Variants in YEATS2 observed in about 807,000 individuals in gnomAD.
The protein encoded by YEATS2 is YEATS domain containing 2.
YEATS2 carries 77 observed loss-of-function variants against 163.2 expected under a neutral mutation model. The ratio of observed to expected loss-of-function variants is 0.47; its 90% CI spans 0.39 to 0.57. The LOEUF is 0.57. YEATS2 is among the 20% of genes least tolerant of loss of function. The pLI is 0.00. For synonymous variants in YEATS2, 631 were observed against 645.1 expected, an observed-to-expected ratio of 0.98 and a Z score of 0.33; for missense variants, 1,549 against 1,729.8, an observed-to-expected ratio of 0.90 and a Z score of 1.85.
intron 2 of YEATS2, among the ~76,000 whole-genome samples, chr3:183,716,053 C>CG (rs1250083532): frequency 1.3e-5 from 2 of 151,952 alleles, no homozygotes; most frequent in Non-Finnish European, 2.9e-5. Flanking sequence ...TCTGCTTCCC[C>CG]GGTTCGCGCC....
rs1182861324 is a variant in YEATS2, at chr3:183,752,247, G to GAGAA, written c.1147_1150dup (p.Gly384GlufsTer6). On this transcript the variant is annotated frameshift_variant, in exon 10 of 31. Coordinates refer to ENST00000305135, the MANE Select transcript of YEATS2 (RefSeq NM_018023.5). LOFTEE classifies it high-confidence loss of function. The stretch of plus-strand genomic sequence containing the variant: ...TGAGCCAGTACCCGATACCTCTGTG[G>GAGAA]AGAAAGGTAATACAGCAGTTTTCCT... The GAGAA allele has an allele frequency of 6.2e-7, 1 of 1,614,154 alleles. No individual in the cohort carries two copies. Among genetic ancestry groups the GAGAA allele is most frequent in the Non-Finnish European group, 8.5e-7 (1 of 1,180,016 alleles).
At chr3:183,699,357 GT>G (rs944445395) in intron 1 of YEATS2, among the ~76,000 whole-genome samples, 1 of 151,950 alleles carries the variant, frequency 6.6e-6, no homozygotes, top group African/African-American at 2.4e-5. Flanking sequence ...AAGTCGGTGT[GT>G]TGAGGCAGTT....
At chr3:183,706,196 A>G (rs1714598445) in intron 1 of YEATS2, among the ~76,000 whole-genome samples, 1 of 152,072 alleles carries the variant, frequency 6.6e-6, no homozygotes, top group South Asian at 2.1e-4. Context: ...TGATTAAGCT[A>G]ACCTAAGAAA....
intron 4 of YEATS2, among the ~76,000 whole-genome samples, chr3:183,720,373 C>A (rs764830743): frequency 2.0e-5 from 3 of 152,136 alleles, no homozygotes; most frequent in Non-Finnish European, 2.9e-5. Context: ...GCATAACTTT[C>A]GTTTTTTTCT....
chr3:183,795,532 C>T (rs1725066852), intron 21 of YEATS2, among the ~76,000 whole-genome samples: 1 of 146,368 alleles, frequency 6.8e-6, no homozygotes, highest in Admixed American at 7.1e-5. Flanking sequence ...AACTCCTGGC[C>T]TCAACCAGTC....
chr3:183,698,187 G>A (rs886959710), intron 1 of YEATS2, among the ~76,000 whole-genome samples, 194 bp downstream of exon 1: 16 of 152,188 alleles, frequency 1.1e-4, no homozygotes, highest in African/African-American at 3.6e-4. Flanking sequence ...GGGAGCCGCA[G>A]AAGCGGGAGC....
intron 8 of YEATS2, among the ~76,000 whole-genome samples, chr3:183,744,934 T>TCTAC (rs1249452152): frequency 3.9e-5 from 6 of 152,144 alleles, no homozygotes; most frequent in Non-Finnish European, 4.4e-5. Context: ...CACTGCAACC[T>TCTAC]CTACCTTCTG....
intron 9 of YEATS2, among the ~76,000 whole-genome samples, chr3:183,749,843 A>C (rs992587760): frequency 6.6e-6 from 1 of 151,926 alleles, no homozygotes; most frequent in Non-Finnish European, 1.5e-5. Context: ...TTTGAGATGG[A>C]GTCTCGCTCT....
chr3:183,789,449 A>AAAATTC (rs1724374017), intron 20 of YEATS2, among the ~76,000 whole-genome samples: 1 of 151,548 alleles, frequency 6.6e-6, no homozygotes, highest in Admixed American at 6.6e-5. Context: ...CCAAAGCCAC[A>AAAATTC]AAATTCAAGC....
chr3:183,735,231 C>T (rs763189316), intron 7 of YEATS2, among the ~76,000 whole-genome samples: 1 of 152,148 alleles, frequency 6.6e-6, no homozygotes, highest in Non-Finnish European at 1.5e-5. Context: ...TTTAGACTTA[C>T]CATTTAGCTT....
chr3:183,739,166 A>G (rs896385764), intron 8 of YEATS2, among the ~76,000 whole-genome samples: 6 of 152,170 alleles, frequency 3.9e-5, no homozygotes, highest in African/African-American at 7.2e-5. Context: ...GAGGAAGTCA[A>G]ATTGTCCCTG....
intron 2 of YEATS2, among the ~76,000 whole-genome samples, chr3:183,716,428 A>G (rs1217346871): frequency 6.6e-6 from 1 of 152,130 alleles, no homozygotes; most frequent in East Asian, 1.9e-4. Context: ...GAAAATTCCT[A>G]TTTCTGTAAG....
Position 183,722,278 on chromosome 3 carries a change from CTTTTTTTTTTTTTTTTT to C in YEATS2, c.537+154_537+170del, listed in dbSNP as rs200048624. On this transcript the variant is annotated intron_variant, in intron 5 of 30. Coordinates refer to ENST00000305135, the MANE Select transcript of YEATS2 (RefSeq NM_018023.5). ...TCCTTTTATAATGGGGAAACCAAAT[CTTTTTTTTTTTTTTTTT>C]TTTTTTTTTTTGAGACAGAGTTTTG... 3.2e-5 allele frequency: 10 copies of C among 310,396 alleles called. No homozygotes were observed. In the Admixed American group the frequency reaches 3.8e-4, roughly 12 times the overall value. 19.2% of individuals were successfully genotyped at this position (310,396 alleles called of 1,614,324 possible).
chr3:183,782,155 G>A (rs1237489458), intron 19 of YEATS2, among the ~76,000 whole-genome samples: 4 of 151,896 alleles, frequency 2.6e-5, no homozygotes, highest in Non-Finnish European at 5.9e-5. Context: ...TGTTGCCCAG[G>A]CTGGAGTGCA....
intron 21 of YEATS2, among the ~76,000 whole-genome samples, chr3:183,792,827 A>AGGC (rs1724788623): frequency 6.6e-6 from 1 of 152,198 alleles, no homozygotes; most frequent in African/African-American, 2.4e-5. Flanking sequence ...TATTTTTTAT[A>AGGC]ACTAATTTTA....
At chr3:183,703,690 T>G (rs1714339326) in intron 1 of YEATS2, among the ~76,000 whole-genome samples, 1 of 152,208 alleles carries the variant, frequency 6.6e-6, no homozygotes, top group African/African-American at 2.4e-5. Flanking sequence ...TCTGCATGCC[T>G]AATGATTTTC....
At chr3:183,803,003 C>T (rs562901827) in intron 25 of YEATS2, 2 of 512,594 alleles carry the variant, frequency 3.9e-6, no homozygotes, top group Non-Finnish European at 7.0e-6. Flanking sequence ...CTTTAATAGT[C>T]TATGGCAGTG....
At chr3:183,790,761 C>T (rs1724544439) in intron 20 of YEATS2, 36 bp from the exon 21 acceptor site, 5 of 1,599,678 alleles carry the variant, frequency 3.1e-6, no homozygotes, top group Non-Finnish European at 4.3e-6. Context: ...TGCTTTCTTC[C>T]TGAACTGTGT....
chr3:183,791,090 A>G (rs1223552083), intron 21 of YEATS2, 110 bp downstream of exon 21: 31 of 1,416,048 alleles, frequency 2.2e-5, no homozygotes, highest in Non-Finnish European at 2.9e-5. Flanking sequence ...CTAGAGTGCA[A>G]TATCACAATC....
Sources: gnomAD v4.1 joint callset for allele counts (sites outside exome capture counted in the v4.1 genomes callset) on GRCh38, gnomAD v4.1.1 for gene constraint, MANE v1.5 for transcripts, NCBI Gene and HGNC (gene_info 2026-07-23, HGNC 2026-07-21) for gene names.